NELL1: variants seen among roughly 807,000 people sequenced by gnomAD.
NELL1 encodes the protein protein kinase C-binding protein NELL1.
In NELL1, 76 loss-of-function variants were observed where a neutral mutation model predicts 107.4. The observed-to-expected ratio is 0.71, with a 90% CI of 0.59 to 0.86. The LOEUF (loss-of-function observed/expected upper bound fraction) is 0.86. Ranked by LOEUF, NELL1 falls within the 40% of genes least tolerant of loss-of-function variation. NELL1 has a pLI of 0.00. For synonymous variants in NELL1, 353 were observed against 341.2 expected (o/e 1.03, Z -0.38); for missense variants, 1,024 against 1,005.5 (o/e 1.02, Z -0.25).
intron 15 of NELL1, among the ~76,000 whole-genome samples, chr11:21,481,714 A>G (rs917694735): frequency 5.9e-5 from 9 of 152,200 alleles, no homozygotes; most frequent in Non-Finnish European, 1.3e-4. Flanking sequence ...GCAATTTCAC[A>G]GCATCTGCTG....
At chr11:21,237,417 T>C (rs1858237200) in intron 14 of NELL1, among the ~76,000 whole-genome samples, 2 of 152,104 alleles carry the variant, frequency 1.3e-5, no homozygotes, top group African/African-American at 2.4e-5. Context: ...TATTTTCAAG[T>C]ATCCCTTTTC....
chr11:21,246,490 GAA>G (rs796748961), intron 14 of NELL1, among the ~76,000 whole-genome samples: 12 of 152,260 alleles, frequency 7.9e-5, no homozygotes, highest in African/African-American at 2.6e-4. Flanking sequence ...TATGTTCTGA[GAA>G]ATGTGTCCTT....
At chr11:21,556,514 T>C (rs1287475091) in intron 16 of NELL1, among the ~76,000 whole-genome samples, 1 of 151,904 alleles carries the variant, frequency 6.6e-6, no homozygotes, top group Non-Finnish European at 1.5e-5. Flanking sequence ...GGTAGGAAAA[T>C]TGTTTGCAGC....
chr11:21,344,383 T>A (rs1406512303), intron 14 of NELL1, among the ~76,000 whole-genome samples: 1 of 152,210 alleles, frequency 6.6e-6, no homozygotes, highest in Admixed American at 6.5e-5. Flanking sequence ...ATGTGGGCAC[T>A]GGGCTTGAAA....
At chr11:21,178,868 A>T (rs1856765833) in intron 13 of NELL1, among the ~76,000 whole-genome samples, 1 of 151,818 alleles carries the variant, frequency 6.6e-6, no homozygotes, top group African/African-American at 2.4e-5. Flanking sequence ...GGAGGTTTTT[A>T]TGATTAGACA....
chr11:21,237,796 C>T (rs957157611), intron 14 of NELL1, among the ~76,000 whole-genome samples: 1 of 152,064 alleles, frequency 6.6e-6, no homozygotes, highest in Non-Finnish European at 1.5e-5. Context: ...GGGTTTCCTT[C>T]TGTCTCAGGT....
intron 13 of NELL1, among the ~76,000 whole-genome samples, chr11:21,162,127 G>A (rs1200158257): frequency 1.3e-5 from 2 of 151,610 alleles, no homozygotes; most frequent in African/African-American, 4.8e-5. Context: ...AGTTTTGTAT[G>A]TTTAGTAGAG....
chr11:20,706,988 C>T (rs1020179618), intron 2 of NELL1, among the ~76,000 whole-genome samples: 1 of 152,216 alleles, frequency 6.6e-6, no homozygotes, highest in African/African-American at 2.4e-5. Context: ...CTCTCCCCAT[C>T]ATTTTTAGGT....
intron 10 of NELL1, among the ~76,000 whole-genome samples, chr11:20,940,527 G>A (rs1039834653): frequency 4.6e-5 from 7 of 152,036 alleles, no homozygotes; most frequent in African/African-American, 7.3e-5. Context: ...GGGATTACAG[G>A]TGTGAGCCAC....
intron 12 of NELL1, among the ~76,000 whole-genome samples, chr11:20,985,124 G>T (rs577734673): frequency 6.6e-6 from 1 of 151,972 alleles, no homozygotes; most frequent in African/African-American, 2.4e-5. Context: ...GATATATCTC[G>T]CCTCATTTCC....
intron 2 of NELL1, among the ~76,000 whole-genome samples, chr11:20,693,897 A>T (rs1419026631): frequency 1.3e-5 from 2 of 152,080 alleles, no homozygotes; most frequent in African/African-American, 2.4e-5. Context: ...ACTTGGTTCC[A>T]TTCTCCCCGT....
chr11:20,809,862 C>T (rs1031724211), intron 3 of NELL1, among the ~76,000 whole-genome samples: 1 of 152,108 alleles, frequency 6.6e-6, no homozygotes, highest in African/African-American at 2.4e-5. Flanking sequence ...GATTTCATTT[C>T]CTTTGTATAT....
At chr11:21,496,993 A>C (rs185283618) in intron 15 of NELL1, among the ~76,000 whole-genome samples, 1,552 of 152,022 alleles carry the variant, frequency 0.01, 21 homozygotes, top group African/African-American at 0.036. Context: ...TCCATGGTGT[A>C]TATGTGCCAC....
At chr11:20,778,498 C>CTTTT (rs1161737750) in intron 2 of NELL1, among the ~76,000 whole-genome samples, 87 of 73,000 alleles carry the variant, frequency 1.2e-3, no homozygotes, top group East Asian at 2.0e-3. Flanking sequence ...TCACCCAGCA[C>CTTTT]TTTTTTTTTT....
Position 20,873,642 on chromosome 11 carries a change from G to A in NELL1, c.507-11802G>A, listed in dbSNP as rs74331468. Among the ~76,000 whole-genome samples, 958 of 152,218 alleles carry A rather than the reference G, an allele frequency of 6.3e-3. 9 individuals carry two copies. Among genetic ancestry groups the A allele is most frequent in the African/African-American group, 0.022 (895 of 41,538 alleles). ...GAAACAAAGGACTCAGAGAGGTTTA[G>A]TAACTTGTCCCAAGTCACAAAACAT... On this transcript the variant is annotated intron_variant, in intron 4 of 19. Transcript: ENST00000357134.
intron 15 of NELL1, among the ~76,000 whole-genome samples, chr11:21,454,393 G>T (rs1853668903): frequency 6.6e-6 from 1 of 151,880 alleles, no homozygotes; most frequent in South Asian, 2.1e-4. Context: ...AAACATACGT[G>T]TGCATGTGGC....
intron 12 of NELL1, among the ~76,000 whole-genome samples, chr11:21,026,606 G>A (rs1353203787): frequency 6.6e-6 from 1 of 152,096 alleles, no homozygotes; most frequent in Non-Finnish European, 1.5e-5. Flanking sequence ...TGTTGCGTTG[G>A]TTGTCCCAGT....
At chr11:20,756,381 C>A (rs1334164997) in intron 2 of NELL1, among the ~76,000 whole-genome samples, 1 of 151,834 alleles carries the variant, frequency 6.6e-6, no homozygotes, top group African/African-American at 2.4e-5. Context: ...CTCTTTCGCC[C>A]AGGCTGGAGT....
intron 12 of NELL1, among the ~76,000 whole-genome samples, chr11:21,020,651 A>T (rs906085582): frequency 1.3e-5 from 2 of 151,932 alleles, no homozygotes; most frequent in East Asian, 1.9e-4. Flanking sequence ...TGTCTCCCCA[A>T]CTGGTATCAC....
Sources: gnomAD v4.1 joint callset for allele counts (sites outside exome capture counted in the v4.1 genomes callset) on GRCh38, gnomAD v4.1.1 for gene constraint, MANE v1.5 for transcripts, NCBI Gene and HGNC (gene_info 2026-07-23, HGNC 2026-07-21) for gene names.